The following NAV3 variants were observed in gnomAD, a reference collection of about 807,000 sequenced individuals.
NAV3 encodes neuron navigator 3.
In NAV3, 87 loss-of-function variants were observed where a neutral mutation model predicts 244.7. That is an observed-to-expected ratio of 0.36 (90% CI 0.30 to 0.42). NAV3 has a LOEUF of 0.42. Among genes scored for constraint, NAV3 ranks in the 20% least tolerant of loss-of-function variants. The probability of loss-of-function intolerance (pLI) is 1.00; values close to 1 mark genes in which losing one functional copy is unlikely to be tolerated. For synonymous variants in NAV3, 1,126 were observed against 1,042.2 expected (o/e 1.08, Z -1.55); for missense variants, 2,663 against 2,893.3 (o/e 0.92, Z 1.83).
intron 1 of NAV3, among the ~76,000 whole-genome samples, chr12:77,832,787 T>C (rs1421386753): frequency 6.6e-6 from 1 of 152,178 alleles, no homozygotes; most frequent in Non-Finnish European, 1.5e-5. Context: ...CCCTCGCCAC[T>C]ACCCTTTCCA....
intron 2 of NAV3, among the ~76,000 whole-genome samples, chr12:77,756,311 T>A (rs949524738): frequency 6.6e-6 from 1 of 152,220 alleles, no homozygotes; most frequent in African/African-American, 2.4e-5. Context: ...ATGGCTCAGA[T>A]GGCATTTGCA....
At chr12:77,628,102 C>T (rs1424742951) in intron 2 of NAV3, among the ~76,000 whole-genome samples, 4 of 152,056 alleles carry the variant, frequency 2.6e-5, no homozygotes, top group Admixed American at 2.6e-4. Context: ...AGTAGGGTGA[C>T]TATAGTTAAC....
At chr12:77,941,710 T>G (rs1889886514) in intron 3 of NAV3, among the ~76,000 whole-genome samples, 1 of 152,172 alleles carries the variant, frequency 6.6e-6, no homozygotes, top group Admixed American at 6.6e-5. Context: ...AATAAAAACT[T>G]CAAGTTTTAT....
intron 22 of NAV3, among the ~76,000 whole-genome samples, chr12:78,153,369 T>C (rs535127550): frequency 6.6e-6 from 1 of 152,136 alleles, no homozygotes; most frequent in Non-Finnish European, 1.5e-5. Context: ...ACAGGTAAAG[T>C]GTTAAGCTGA....
chr12:77,836,384 C>A (rs1308141070), intron 1 of NAV3, among the ~76,000 whole-genome samples: 1 of 152,186 alleles, frequency 6.6e-6, no homozygotes, highest in Non-Finnish European at 1.5e-5. Flanking sequence ...CAGTCTTGGG[C>A]TCACTCATTC....
intron 1 of NAV3, among the ~76,000 whole-genome samples, chr12:77,922,982 CT>C (rs1055101317): frequency 7.3e-5 from 11 of 151,548 alleles, no homozygotes; most frequent in Admixed American, 1.3e-4. Flanking sequence ...TTCTATTCTA[CT>C]TTTTTTTGCA....
intron 1 of NAV3, among the ~76,000 whole-genome samples, chr12:77,873,877 T>C (rs2136496939): frequency 6.7e-6 from 1 of 148,188 alleles, no homozygotes; most frequent in South Asian, 2.2e-4. Flanking sequence ...AGCCCAGGGG[T>C]CCCCAACCCC....
At chr12:78,055,055 C>T (rs980734706) in intron 11 of NAV3, among the ~76,000 whole-genome samples, 8 of 152,086 alleles carry the variant, frequency 5.3e-5, no homozygotes, top group African/African-American at 1.2e-4. Context: ...ATGTATATGT[C>T]TATTAAAAAT....
intron 2 of NAV3, among the ~76,000 whole-genome samples, chr12:77,731,046 G>A (rs977300782): frequency 2.0e-5 from 3 of 151,820 alleles, no homozygotes; most frequent in Non-Finnish European, 2.9e-5. Context: ...AAAAACACAC[G>A]GTTTCAAAAT....
intron 30 of NAV3, among the ~76,000 whole-genome samples, chr12:78,184,944 G>T (rs1204828525): frequency 6.6e-6 from 1 of 151,636 alleles, no homozygotes; most frequent in Non-Finnish European, 1.5e-5. Flanking sequence ...CCATTTAAAG[G>T]CTGATATTTT....
At chr12:77,788,517 G>A (rs1871014522) in intron 2 of NAV3, among the ~76,000 whole-genome samples, 1 of 151,830 alleles carries the variant, frequency 6.6e-6, no homozygotes. Context: ...TGATCTCTAC[G>A]GTGTCTTTCA....
At chr12:78,065,898 T>C (rs911314084) in intron 12 of NAV3, among the ~76,000 whole-genome samples, 11 of 152,152 alleles carry the variant, frequency 7.2e-5, no homozygotes, top group Admixed American at 7.2e-4. Flanking sequence ...AATAAGGTGA[T>C]AAGTCTTAAG....
chr12:77,889,496 A>C (rs940021448), intron 1 of NAV3, among the ~76,000 whole-genome samples: 1 of 152,210 alleles, frequency 6.6e-6, no homozygotes, highest in African/African-American at 2.4e-5. Context: ...TCTATGGCTG[A>C]AATACTGGAC....
chr12:78,134,641 G>C (rs759764772), intron 18 of NAV3, among the ~76,000 whole-genome samples: 10 of 152,128 alleles, frequency 6.6e-5, no homozygotes, highest in Non-Finnish European at 1.3e-4. Flanking sequence ...AATACCAGCA[G>C]CACTCAGGAG....
intron 12 of NAV3, among the ~76,000 whole-genome samples, chr12:78,112,152 A>C (rs35725610): frequency 6.6e-6 from 1 of 152,190 alleles, no homozygotes; most frequent in African/African-American, 2.4e-5. Context: ...ATATCTGCCC[A>C]TGCTGATAGA....
chr12:77,596,129 C>T (rs1870156946), intron 2 of NAV3, among the ~76,000 whole-genome samples: 1 of 152,110 alleles, frequency 6.6e-6, no homozygotes, highest in Non-Finnish European at 1.5e-5. Flanking sequence ...AAATCTGGGT[C>T]CATATCACAG....
intron 22 of NAV3, among the ~76,000 whole-genome samples, chr12:78,151,631 A>G (rs365926): frequency 0.62 from 93,961 of 151,678 alleles, 29,767 homozygotes; most frequent in East Asian, 0.85. Flanking sequence ...GCTAAGGATG[A>G]AGGAGAGAGA....
chr12:77,781,822 T>C (rs1437239741), intron 2 of NAV3, among the ~76,000 whole-genome samples: 2 of 152,154 alleles, frequency 1.3e-5, no homozygotes, highest in East Asian at 3.9e-4. Context: ...GGCATCTGCT[T>C]CTTCAAAGAG....
At chr12:77,770,758 T>G (rs1174584226) in intron 2 of NAV3, among the ~76,000 whole-genome samples, 1 of 152,068 alleles carries the variant, frequency 6.6e-6, no homozygotes. Flanking sequence ...ATACAAAAAT[T>G]AATTCAAGAT....
Sources: gnomAD v4.1 joint callset for allele counts (sites outside exome capture counted in the v4.1 genomes callset) on GRCh38, gnomAD v4.1.1 for gene constraint, MANE v1.5 for transcripts, NCBI Gene and HGNC (gene_info 2026-07-23, HGNC 2026-07-21) for gene names.